Variants in EMCN observed in about 807,000 individuals in gnomAD.
EMCN encodes endomucin.
EMCN carries 37 observed loss-of-function variants against 38.4 expected under a neutral mutation model. That is an observed-to-expected ratio of 0.96 (90% CI 0.74 to 1.27). EMCN has a LOEUF of 1.27. Among genes scored for constraint, EMCN ranks in the 50% most tolerant of loss-of-function variants. The pLI is 0.00. For synonymous variants in EMCN, 95 were observed against 100.8 expected, an observed-to-expected ratio of 0.94 and a Z score of 0.35; for missense variants, 318 against 302.8, an observed-to-expected ratio of 1.05 and a Z score of -0.37.
At chr4:100,434,383 CAAAAAAAAA>C (rs767318585) in intron 5 of EMCN, among the ~76,000 whole-genome samples, 2 of 70,696 alleles carry the variant, frequency 2.8e-5, no homozygotes, top group African/African-American at 1.2e-4. Flanking sequence ...GCCTACCAAG[CAAAAAAAAA>C]AAAAAAAAAA....
At chr4:100,414,885 C>G (rs1475771389) in intron 10 of EMCN, among the ~76,000 whole-genome samples, 2 of 151,886 alleles carry the variant, frequency 1.3e-5, no homozygotes, top group African/African-American at 2.4e-5. Flanking sequence ...TAAATTAGAC[C>G]CACATGGTTT....
chr4:100,413,521 G>T (rs537586290), intron 10 of EMCN, among the ~76,000 whole-genome samples: 17 of 152,226 alleles, frequency 1.1e-4, no homozygotes, highest in African/African-American at 4.1e-4. Context: ...AAATGCAGTG[G>T]GAAGAAATTT....
intron 7 of EMCN, among the ~76,000 whole-genome samples, chr4:100,421,584 T>G (rs988707896): frequency 3.3e-5 from 5 of 152,060 alleles, no homozygotes; most frequent in African/African-American, 1.2e-4. Flanking sequence ...TCTTGTAACC[T>G]TTCTGAAACA....
chr4:100,468,000 G>T (rs1305388023), intron 3 of EMCN, among the ~76,000 whole-genome samples: 1 of 152,122 alleles, frequency 6.6e-6, no homozygotes, highest in Non-Finnish European at 1.5e-5. Flanking sequence ...TAAGAGAATT[G>T]CATCAAGATA....
chr4:100,448,828 C>CTTCTT (rs1727756877), intron 4 of EMCN, among the ~76,000 whole-genome samples: 5 of 143,452 alleles, frequency 3.5e-5, no homozygotes, highest in African/African-American at 1.1e-4. Context: ...TCCTTCCTCC[C>CTTCTT]TCCCTCCCTC....
chr4:100,503,032 AG>A (rs1223105621), intron 1 of EMCN, among the ~76,000 whole-genome samples: 1 of 152,024 alleles, frequency 6.6e-6, no homozygotes, highest in African/African-American at 2.4e-5. Context: ...TATTGTTGTC[AG>A]GTTTTGGTTT....
At chr4:100,464,204 C>A (rs1203784394) in intron 4 of EMCN, among the ~76,000 whole-genome samples, 3 of 151,584 alleles carry the variant, frequency 2.0e-5, no homozygotes, top group East Asian at 1.9e-4. Context: ...TTTTGGATCA[C>A]CACTGTTAAC....
At chr4:100,427,410 C>G (rs969732858) in intron 5 of EMCN, among the ~76,000 whole-genome samples, 1 of 151,632 alleles carries the variant, frequency 6.6e-6, no homozygotes, top group African/African-American at 2.4e-5. Context: ...TAGATAGGGC[C>G]ACAGGTGTGC....
chr4:100,440,199 A>T (rs75868353), intron 5 of EMCN, among the ~76,000 whole-genome samples: 433 of 152,082 alleles, frequency 2.8e-3, no homozygotes, highest in African/African-American at 0.01. Context: ...TGTCTGGTTG[A>T]TCTATCTACT....
At chr4:100,514,409 C>A (rs1219442693) in intron 1 of EMCN, among the ~76,000 whole-genome samples, 6 of 152,058 alleles carry the variant, frequency 3.9e-5, no homozygotes, top group African/African-American at 7.2e-5. Context: ...CCCTTCTTTT[C>A]ATTTTATTGA....
chr4:100,453,596 C>T (rs1486615960), intron 4 of EMCN, among the ~76,000 whole-genome samples: 29 of 151,906 alleles, frequency 1.9e-4, no homozygotes, highest in Admixed American at 5.9e-4. Flanking sequence ...AGTTCAACCA[C>T]TGTGGAAGTC....
intron 1 of EMCN, among the ~76,000 whole-genome samples, chr4:100,499,457 A>C (rs1262638675): frequency 1.3e-5 from 2 of 152,244 alleles, no homozygotes; most frequent in African/African-American, 4.8e-5. Context: ...ACAATTGATT[A>C]GTTTTTAAGA....
At chr4:100,428,504 G>A (rs1727113859) in intron 5 of EMCN, among the ~76,000 whole-genome samples, 1 of 151,890 alleles carries the variant, frequency 6.6e-6, no homozygotes, top group Non-Finnish European at 1.5e-5. Context: ...TATTTTATTG[G>A]GTATAGTTTA....
intron 2 of EMCN, among the ~76,000 whole-genome samples, chr4:100,478,263 C>T (rs921260895): frequency 6.6e-6 from 1 of 152,150 alleles, no homozygotes; most frequent in African/African-American, 2.4e-5. Flanking sequence ...TCTTCCACCT[C>T]GCTCTCTCAG....
chr4:100,447,672 C>T, intron 4 of EMCN, 101 bp from the exon 5 acceptor site: 1 of 666,934 alleles, frequency 1.5e-6, no homozygotes, highest in South Asian at 2.0e-5. Context: ...TGAATTTTAG[C>T]TCATTTCTGA....
chr4:100,475,208 C>A (rs866338645), intron 2 of EMCN, 99 bp from the exon 3 acceptor site: 1 of 486,896 alleles, frequency 2.1e-6, no homozygotes. Flanking sequence ...TGGCATTCTC[C>A]TTTGTCTATC....
At chr4:100,447,945 G>A (rs539802799) in intron 4 of EMCN, among the ~76,000 whole-genome samples, 3 of 151,894 alleles carry the variant, frequency 2.0e-5, no homozygotes, top group East Asian at 3.9e-4. Flanking sequence ...TTTGCCCGTG[G>A]GCCATAGTTT....
chr4:100,437,791 G>A (rs1727398601), intron 5 of EMCN, among the ~76,000 whole-genome samples: 1 of 151,852 alleles, frequency 6.6e-6, no homozygotes, highest in South Asian at 2.1e-4. Context: ...GCACCATATT[G>A]TTTTATTATA....
intron 1 of EMCN, 108 bp downstream of exon 1, chr4:100,517,743 A>T (rs530843004): frequency 1.0e-6 from 1 of 971,942 alleles, no homozygotes; most frequent in Admixed American, 1.7e-5. Context: ...CATCAAAGGA[A>T]TTGCTGCATC....
Sources: allele counts gnomAD v4.1 joint callset (sites outside exome capture counted in the v4.1 genomes callset), GRCh38; gene constraint gnomAD v4.1.1; transcripts MANE v1.5; gene names NCBI Gene and HGNC (gene_info 2026-07-23, HGNC 2026-07-21).